TOX: variants seen among roughly 807,000 people sequenced by gnomAD.
TOX encodes thymocyte selection-associated high mobility group box protein TOX.
In TOX, 11 loss-of-function variants were observed where a neutral mutation model predicts 53.7. The ratio of observed to expected loss-of-function variants is 0.20; its 90% CI spans 0.13 to 0.34. The LOEUF (loss-of-function observed/expected upper bound fraction) is 0.34. TOX is among the 10% of genes least tolerant of loss of function. The pLI is 1.00. For synonymous variants in TOX, 225 were observed against 245.3 expected (o/e 0.92, Z 0.77); for missense variants, 570 against 664.6 (o/e 0.86, Z 1.56).
At chr8:58,935,799 A>T (rs1384947140) in intron 3 of TOX, among the ~76,000 whole-genome samples, 1 of 152,242 alleles carries the variant, frequency 6.6e-6, no homozygotes, top group East Asian at 1.9e-4. Flanking sequence ...AGTTTTTACA[A>T]GGAAGTGTGA....
intron 1 of TOX, among the ~76,000 whole-genome samples, chr8:59,073,235 C>T (rs1254871483): frequency 6.6e-6 from 1 of 152,166 alleles, no homozygotes; most frequent in Non-Finnish European, 1.5e-5. Context: ...TCTATCTGCG[C>T]TTCTGTTTAT....
At chr8:58,949,668 T>G (rs984996670) in intron 2 of TOX, among the ~76,000 whole-genome samples, 1 of 152,138 alleles carries the variant, frequency 6.6e-6, no homozygotes, top group African/African-American at 2.4e-5. Flanking sequence ...TAATATACTA[T>G]TTTAAATCAT....
At chr8:58,907,919 T>C (rs969193477) in intron 3 of TOX, among the ~76,000 whole-genome samples, 1 of 152,174 alleles carries the variant, frequency 6.6e-6, no homozygotes, top group Non-Finnish European at 1.5e-5. Context: ...TATAGAAAGA[T>C]CCAAACTTTT....
chr8:58,864,073 C>T (rs1282516090), intron 3 of TOX, among the ~76,000 whole-genome samples: 2 of 151,952 alleles, frequency 1.3e-5, no homozygotes, highest in Non-Finnish European at 2.9e-5. Flanking sequence ...GTTTGACAGT[C>T]AGTACATCTG....
chr8:59,009,668 G>A lies in TOX; in HGVS notation c.103-49660C>T, dbSNP rs148173105. ...ATTACAGGCTTGAGCCACCACGCCCGGCCATCCTCTCCTTTCCACCCTGTT... is the reference window on the plus strand; with the variant it reads ...ATTACAGGCTTGAGCCACCACGCCCAGCCATCCTCTCCTTTCCACCCTGTT... On this transcript the variant is annotated intron_variant, in intron 1 of 8. Transcript: ENST00000361421. Among the ~76,000 whole-genome samples the A allele has an allele frequency of 3.9e-4, 59 of 152,166 alleles. 1 individual carries two copies. The highest frequency in any genetic ancestry group is 1.0e-3 in the South Asian group (5 of 4,810).
intron 3 of TOX, among the ~76,000 whole-genome samples, chr8:58,937,995 T>C (rs950210535): frequency 6.6e-6 from 1 of 152,206 alleles, no homozygotes. Flanking sequence ...GGAGTCATAC[T>C]TAATACTCAT....
intron 4 of TOX, 48 bp from the exon 5 acceptor site, chr8:58,838,359 G>A (rs1563366447): frequency 6.0e-6 from 9 of 1,500,156 alleles, no homozygotes; most frequent in East Asian, 4.5e-5. Flanking sequence ...AGACAATTTG[G>A]GGACAAGACA....
intron 1 of TOX, among the ~76,000 whole-genome samples, chr8:59,034,362 G>T (rs1039127543): frequency 6.6e-6 from 1 of 152,220 alleles, no homozygotes; most frequent in Non-Finnish European, 1.5e-5. Flanking sequence ...GCGAGGGGGT[G>T]AGGTTAGGCA....
intron 3 of TOX, among the ~76,000 whole-genome samples, chr8:58,867,814 C>T (rs1382227160): frequency 6.6e-6 from 1 of 152,126 alleles, no homozygotes; most frequent in Admixed American, 6.5e-5. Flanking sequence ...GGCTTTTTTG[C>T]TTGACTTGTT....
At chr8:58,814,242 G>T (rs570399297) in intron 7 of TOX, among the ~76,000 whole-genome samples, 80 of 152,136 alleles carry the variant, frequency 5.3e-4, no homozygotes, top group Non-Finnish European at 1.1e-3. Flanking sequence ...TCCAACTAAA[G>T]ATTCAAATTC....
At chr8:59,083,450 A>C (rs746091238) in intron 1 of TOX, among the ~76,000 whole-genome samples, 9 of 152,246 alleles carry the variant, frequency 5.9e-5, no homozygotes, top group Admixed American at 2.0e-4. Flanking sequence ...TTGGAAAAAT[A>C]AAATAAAAAT....
chr8:58,819,249 AGAACTATTTTCT>A (rs1305418270), intron 6 of TOX, among the ~76,000 whole-genome samples: 3 of 152,260 alleles, frequency 2.0e-5, no homozygotes. Flanking sequence ...TTCAGAAATT[AGAACTATTTTCT>A]CATACATACT....
At chr8:59,049,015 C>G (rs866641094) in intron 1 of TOX, among the ~76,000 whole-genome samples, 18 of 151,868 alleles carry the variant, frequency 1.2e-4, no homozygotes, top group South Asian at 4.2e-4. Context: ...CTCTTTTCAG[C>G]TAGTTTGCAA....
At chr8:58,927,693 T>C (rs1812188408) in intron 3 of TOX, among the ~76,000 whole-genome samples, 1 of 151,980 alleles carries the variant, frequency 6.6e-6, no homozygotes, top group Non-Finnish European at 1.5e-5. Context: ...TGACAGATAG[T>C]ATAAGAAAAA....
chr8:58,955,202 C>G (rs1812689880), intron 2 of TOX, among the ~76,000 whole-genome samples: 1 of 152,048 alleles, frequency 6.6e-6, no homozygotes, highest in Non-Finnish European at 1.5e-5. Flanking sequence ...AGACAGAATT[C>G]CAGAGGGTGC....
At chr8:59,097,449 T>A (rs1027015227) in intron 1 of TOX, among the ~76,000 whole-genome samples, 1 of 152,224 alleles carries the variant, frequency 6.6e-6, no homozygotes, top group Non-Finnish European at 1.5e-5. Flanking sequence ...TATCATTTAA[T>A]CCTCATTATA....
intron 1 of TOX, among the ~76,000 whole-genome samples, chr8:59,089,666 T>C (rs921923586): frequency 5.3e-5 from 8 of 152,260 alleles, no homozygotes; most frequent in African/African-American, 1.9e-4. Flanking sequence ...CACCACTGAC[T>C]GCAGCCTCAA....
chr8:58,936,899 T>C (rs539577527), intron 3 of TOX, among the ~76,000 whole-genome samples: 3 of 152,236 alleles, frequency 2.0e-5, no homozygotes, highest in Admixed American at 6.5e-5. Flanking sequence ...GTAAAGTAAT[T>C]AAAATAAAAT....
intron 1 of TOX, among the ~76,000 whole-genome samples, chr8:59,047,210 T>G (rs1355624439): frequency 0.015 from 1,596 of 108,276 alleles, 58 homozygotes; most frequent in South Asian, 0.084. Flanking sequence ...ATTGTTTTTT[T>G]TTTTTTTTTT....
Sources: allele counts gnomAD v4.1 joint callset (sites outside exome capture counted in the v4.1 genomes callset), GRCh38; gene constraint gnomAD v4.1.1; transcripts MANE v1.5; gene names NCBI Gene and HGNC (gene_info 2026-07-23, HGNC 2026-07-21).